Variants in HSPA4 observed in about 807,000 individuals in gnomAD.
HSPA4 encodes heat shock 70 kDa protein 4.
A neutral mutation model predicts 106.2 loss-of-function variants in HSPA4; 25 were observed. The observed-to-expected ratio is 0.24, with a 90% confidence interval of 0.17 to 0.33. HSPA4 has a LOEUF of 0.33. Ranked by LOEUF, HSPA4 falls within the 10% of genes least tolerant of loss-of-function variation. The probability of loss-of-function intolerance (pLI) is 1.00; values close to 1 mark genes in which losing one functional copy is unlikely to be tolerated. For synonymous variants in HSPA4, 332 were observed against 333.6 expected, an observed-to-expected ratio of 1.00 and a Z score of 0.05; for missense variants, 841 against 996.0, an observed-to-expected ratio of 0.84 and a Z score of 2.10.
At chr5:133,072,054 T>C (rs904635426) in intron 4 of HSPA4, among the ~76,000 whole-genome samples, 1 of 152,178 alleles carries the variant, frequency 6.6e-6, no homozygotes, top group African/African-American at 2.4e-5. Context: ...ATGTAAAATA[T>C]TGGAATGCGT....
intron 2 of HSPA4, among the ~76,000 whole-genome samples, chr5:133,065,402 G>A (rs943654518): frequency 9.2e-5 from 14 of 152,150 alleles, no homozygotes; most frequent in African/African-American, 2.9e-4. Flanking sequence ...ATAGGTTATA[G>A]GCCAATACTA....
At chr5:133,086,732 G>C in intron 7 of HSPA4, 50 bp from the exon 8 acceptor site, 1 of 1,271,952 alleles carries the variant, frequency 7.9e-7, no homozygotes, top group Non-Finnish European at 1.1e-6. Flanking sequence ...ACATAAAAGT[G>C]GCATGTGATT....
intron 7 of HSPA4, among the ~76,000 whole-genome samples, chr5:133,082,861 C>T (rs1485447948): frequency 6.6e-6 from 1 of 152,090 alleles, no homozygotes; most frequent in East Asian, 1.9e-4. Flanking sequence ...ACTGTCCAGG[C>T]ATGGTGGCTC....
rs1007348502 is a variant in HSPA4 at position 133,104,526 on chromosome 5, G to T, written c.*90G>T. On this transcript the variant is annotated 3_prime_UTR_variant, in exon 19 of 19. Coordinates refer to ENST00000304858, the MANE Select transcript of HSPA4 (RefSeq NM_002154.4). Reference sequence around the variant, plus strand: ...ATATCAACTAGCGCAAGTGAATACTGAAGATTTCTTAGTCAGTTTTTAGGG... The same window carrying T: ...ATATCAACTAGCGCAAGTGAATACTTAAGATTTCTTAGTCAGTTTTTAGGG... The T allele has an allele frequency of 1.7e-6, 2 of 1,193,364 alleles. No individual in the cohort carries two copies. Among genetic ancestry groups the T allele is most frequent in the Admixed American group, 2.2e-5 (1 of 45,034 alleles). The allele number at this position is 1,193,364 out of a possible 1,614,324, so 73.9% of individuals were successfully genotyped here.
rs1272321536 is a variant in HSPA4 at position 133,097,074 on chromosome 5, AAG to A, written c.1804-84_1804-83del. ...CAGAACTAAAAGGATTTGGGGAAGA[AAG>A]AGTCTCTACTTTTATAATTATATTG... On this transcript the variant is annotated intron_variant, in intron 14 of 18. Transcript: ENST00000304858. The A allele has an allele frequency of 1.1e-4, 116 of 1,077,138 alleles. No individual in the cohort carries two copies. The African/African-American group carries it at 1.5e-3, about 14-fold the overall frequency. The allele number at this position is 1,077,138 out of a possible 1,614,324, so 66.7% of individuals were successfully genotyped here.
At chr5:133,073,090 C>A in intron 4 of HSPA4, 140 bp from the exon 5 acceptor site, 1 of 579,412 alleles carries the variant, frequency 1.7e-6, no homozygotes, top group Non-Finnish European at 3.0e-6. Context: ...ACTAAATATT[C>A]TAACTTTTCC....
chr5:133,095,511 A>C (rs188158152), intron 13 of HSPA4, among the ~76,000 whole-genome samples: 558 of 152,332 alleles, frequency 3.7e-3, no homozygotes, highest in Non-Finnish European at 5.3e-3. Context: ...GACAGGGTGC[A>C]GTGGAATGAG....
rs918797969 is a variant in HSPA4 at position 133,105,371 on chromosome 5, A to G, written c.*935A>G. Reference sequence around the variant, plus strand: ...CACAATCACTTGTGTGTTAAGTGTTAATATCTGTCATGAACCTGCCAATTT... The same window carrying G: ...CACAATCACTTGTGTGTTAAGTGTTGATATCTGTCATGAACCTGCCAATTT... On this transcript the variant is annotated 3_prime_UTR_variant, in exon 19 of 19. Coordinates refer to ENST00000304858, the MANE Select transcript of HSPA4 (RefSeq NM_002154.4). 6.6e-6 allele frequency: 1 copy of G among 152,246 alleles called. No individual in the cohort carries two copies. Among genetic ancestry groups the G allele is most frequent in the East Asian group, 1.9e-4 (1 of 5,204 alleles). The allele number at this position is 152,246 out of a possible 1,614,324, so 9.4% of individuals were successfully genotyped here. A position where few individuals can be genotyped will look rare whatever the true frequency, so the allele number is the denominator to read the frequency against.
chr5:133,088,543 C>T lies in HSPA4; in HGVS notation c.1125C>T (p.Gly375=), dbSNP rs1765607011. 1.2e-6 allele frequency: 2 copies of T among 1,613,204 alleles called. No homozygotes were observed. The highest frequency in any genetic ancestry group is 1.1e-5 in the South Asian group (1 of 91,036). Residue 375 remains glycine (G), a synonymous_variant, in exon 9 of 19, where the codon GGC becomes GGT. Transcript: ENST00000304858. The part of the protein sequence containing the change: ...TLNADEAVTR[G]CALQCAILSP... ...ATGCTGATGAAGCTGTCACTCGAGGCTGTGCATTGCAGGTGAATATTCTTT... is the reference window on the plus strand; with the variant it reads ...ATGCTGATGAAGCTGTCACTCGAGGTTGTGCATTGCAGGTGAATATTCTTT...
Position 133,103,318 on chromosome 5 carries a change from T to C in HSPA4, c.2158-547T>C, listed in dbSNP as rs62375246. 3.7e-3 allele frequency among the ~76,000 whole-genome samples: 564 copies of C among 151,692 alleles called. 3 individuals are homozygous for C. Among genetic ancestry groups the C allele is most frequent in the Non-Finnish European group, 5.5e-3 (373 of 67,872 alleles). On this transcript the variant is annotated intron_variant, in intron 17 of 18. Transcript: ENST00000304858. ...GCGATCCTCCTGCCTCAGCCTCCCA[T>C]AGTGCTAAGATTACGAGCGTGAGCC... is the stretch of plus-strand genomic sequence containing the variant.
intron 9 of HSPA4, 74 bp downstream of exon 9, chr5:133,088,629 T>TCCC: frequency 7.7e-7 from 1 of 1,291,028 alleles, no homozygotes; most frequent in Non-Finnish European, 1.1e-6. Flanking sequence ...ATGTATCTAA[T>TCCC]AACCTGGGAT....
intron 12 of HSPA4, among the ~76,000 whole-genome samples, chr5:133,091,695 T>C (rs1765649452): frequency 6.6e-6 from 1 of 152,216 alleles, no homozygotes; most frequent in Non-Finnish European, 1.5e-5. Context: ...TACACTCATT[T>C]GTTGGAATTA....
At chr5:133,060,622 A>G (rs1367803048) in intron 1 of HSPA4, among the ~76,000 whole-genome samples, 4 of 152,066 alleles carry the variant, frequency 2.6e-5, no homozygotes, top group African/African-American at 9.7e-5. Context: ...TCGGCCTCTC[A>G]AAGTGTTGGG....
chr5:133,101,666 C>T lies in HSPA4; in HGVS notation c.2038-93C>T, dbSNP rs948580055. ...TATTTAACTTCTTATATATAGCACACGGAGATTAAATGTACTTTATCACTA... is the reference window on the plus strand; with the variant it reads ...TATTTAACTTCTTATATATAGCACATGGAGATTAAATGTACTTTATCACTA... On this transcript the variant is annotated intron_variant, in intron 16 of 18. Coordinates refer to ENST00000304858, the MANE Select transcript of HSPA4 (RefSeq NM_002154.4). 4.2e-5 allele frequency: 49 copies of T among 1,176,582 alleles called. No homozygotes were observed. In the African/African-American group the frequency reaches 4.2e-4, roughly 10 times the overall value. The allele number at this position is 1,176,582 out of a possible 1,614,324, so 72.9% of individuals were successfully genotyped here.
chr5:133,068,600 A>C (rs932885977), intron 3 of HSPA4, among the ~76,000 whole-genome samples: 2 of 152,318 alleles, frequency 1.3e-5, no homozygotes, highest in Non-Finnish European at 2.9e-5. Context: ...TGTATTTAGA[A>C]GTGAAAAATT....
intron 16 of HSPA4, among the ~76,000 whole-genome samples, chr5:133,100,713 C>G (rs1304802093): frequency 1.3e-5 from 2 of 152,224 alleles, no homozygotes; most frequent in African/African-American, 4.8e-5. Context: ...GAAAGAATTA[C>G]ATAAAATTGA....
chr5:133,102,453 C>T (rs1399152953), intron 17 of HSPA4, among the ~76,000 whole-genome samples: 1 of 152,168 alleles, frequency 6.6e-6, no homozygotes, highest in Non-Finnish European at 1.5e-5. Context: ...CATGCACTAT[C>T]CTGGTCTTTC....
At chr5:133,086,166 G>T (rs192297774) in intron 7 of HSPA4, among the ~76,000 whole-genome samples, 18 of 152,308 alleles carry the variant, frequency 1.2e-4, no homozygotes, top group African/African-American at 4.3e-4. Flanking sequence ...AGTGAGCCAA[G>T]ATCGTGCCAC....
intron 1 of HSPA4, 148 bp from the exon 2 acceptor site, chr5:133,064,832 C>G (rs1350927179): frequency 2.8e-6 from 2 of 703,636 alleles, no homozygotes; most frequent in African/African-American, 3.6e-5. Context: ...GTTCCATGGA[C>G]AGATTTACTC....
Sources: gnomAD v4.1 joint callset for allele counts (sites outside exome capture counted in the v4.1 genomes callset) on GRCh38, gnomAD v4.1.1 for gene constraint, MANE v1.5 for transcripts, NCBI Gene and HGNC (gene_info 2026-07-23, HGNC 2026-07-21) for gene names.